Variants in AGBL1 observed in about 807,000 individuals in gnomAD.
The protein encoded by AGBL1 is AGBL carboxypeptidase 1.
In AGBL1, 130 loss-of-function variants were observed where a neutral mutation model predicts 118.9. The observed-to-expected ratio is 1.09, with a 90% CI of 0.95 to 1.26. AGBL1 has a LOEUF of 1.26. AGBL1 is among the 50% of genes most tolerant of loss of function. The pLI, the probability that AGBL1 is intolerant of heterozygous loss-of-function variation, is 0.00. For synonymous variants in AGBL1, 555 were observed against 478.9 expected (o/e 1.16, Z -2.08); for missense variants, 1,584 against 1,298.1 (o/e 1.22, Z -3.38).
rs201769028 is a variant in AGBL1 at position 86,257,588 on chromosome 15, A to G, written c.902-376A>G. ...CCTCAATCAAAAAATTAGGGGCTCA[A>G]TCAAGGTGATATTTAGGTTATAACA... On this transcript the variant is annotated intron_variant, in intron 8 of 22. Coordinates refer to ENST00000614907, the MANE Select transcript of AGBL1 (RefSeq NM_001386094.1). 4.6e-5 allele frequency among the ~76,000 whole-genome samples: 7 copies of G among 152,352 alleles called. No homozygotes were observed. In the East Asian group the frequency reaches 1.2e-3, roughly 25 times the overall value.
chr15:86,484,495 T>C (rs1201802328), intron 18 of AGBL1, among the ~76,000 whole-genome samples: 1 of 152,144 alleles, frequency 6.6e-6, no homozygotes, highest in Non-Finnish European at 1.5e-5. Context: ...GTTATGAATC[T>C]GAGTGGTTTT....
intron 18 of AGBL1, among the ~76,000 whole-genome samples, chr15:86,427,934 T>G (rs2081887677): frequency 6.6e-6 from 1 of 152,160 alleles, no homozygotes; most frequent in South Asian, 2.1e-4. Context: ...TTTCCTTTAT[T>G]ATTCTTGACC....
intron 5 of AGBL1, among the ~76,000 whole-genome samples, chr15:86,159,560 A>G (rs544015656): frequency 6.6e-6 from 1 of 152,190 alleles, no homozygotes; most frequent in South Asian, 2.1e-4. Context: ...TTATGATTGG[A>G]AAATGAAACT....
At chr15:86,797,076 G>A (rs548483770) in intron 22 of AGBL1, among the ~76,000 whole-genome samples, 15 of 152,298 alleles carry the variant, frequency 9.8e-5, no homozygotes, top group Admixed American at 2.0e-4. Context: ...GAGTTTCCTC[G>A]TCTGTGAAGT....
At chr15:86,504,840 G>C (rs142748403) in intron 18 of AGBL1, among the ~76,000 whole-genome samples, 7 of 151,514 alleles carry the variant, frequency 4.6e-5, no homozygotes, top group African/African-American at 1.2e-4. Context: ...TTATATTTAC[G>C]TATGTATTAA....
Position 86,914,907 on chromosome 15 carries a change from T to C in AGBL1, c.*7613T>C, listed in dbSNP as rs2080400254. 1 of 152,214 alleles carries C rather than the reference T, an allele frequency of 6.6e-6. No homozygotes were observed. Among genetic ancestry groups the C allele is most frequent in the Non-Finnish European group, 1.5e-5 (1 of 68,040 alleles). 9.4% of individuals were successfully genotyped at this position (152,214 alleles called of 1,614,324 possible). ...CTCCTACTGGCCATTTCTGCATAAC[T>C]TCCTGCTCCTTTTCAAACTCAACAG... On this transcript the variant is annotated 3_prime_UTR_variant, in exon 23 of 23. Coordinates refer to ENST00000614907, the MANE Select transcript of AGBL1 (RefSeq NM_001386094.1).
chr15:86,407,901 TC>T (rs1219172225), intron 18 of AGBL1, among the ~76,000 whole-genome samples: 2 of 152,058 alleles, frequency 1.3e-5, no homozygotes, highest in African/African-American at 4.8e-5. Context: ...AAATGCACAT[TC>T]CCTGTATGCC....
chr15:87,000,704 G>A (rs1251866762), intron 24 of AGBL1, among the ~76,000 whole-genome samples: 202 of 103,704 alleles, frequency 1.9e-3, no homozygotes, highest in African/African-American at 2.7e-3. Context: ...TTGACTTGGC[G>A]ATGCGGGCTC....
At chr15:86,455,106 C>T (rs771054966) in intron 18 of AGBL1, among the ~76,000 whole-genome samples, 8 of 152,086 alleles carry the variant, frequency 5.3e-5, no homozygotes, top group Non-Finnish European at 8.8e-5. Context: ...TTTTCCTGGC[C>T]TCTCCCTGGG....
At position 86,616,339 on chromosome 15, in the gene AGBL1, C is replaced by CAAAAAAAAAAAAAAA. The variant is rs199936794; in HGVS notation, c.2995-57915_2995-57901dup. On this transcript the variant is annotated intron_variant, in intron 21 of 22. Transcript: ENST00000614907. ...GTGACAGAGCAAGACTCCTCCACTT[C>CAAAAAAAAAAAAAAA]AAAAAAAAAAAAAAAAAAAAAAAAA... 2.0e-4 allele frequency among the ~76,000 whole-genome samples: 10 copies of CAAAAAAAAAAAAAAA among 49,278 alleles called. 1 individual carries two copies. Among genetic ancestry groups the CAAAAAAAAAAAAAAA allele is most frequent in the African/African-American group, 7.1e-4 (10 of 14,052 alleles). 32.3% of individuals were successfully genotyped at this position (49,278 alleles called of 152,430 possible). A position where few individuals can be genotyped will look rare whatever the true frequency, so the allele number is the denominator to read the frequency against.
intron 21 of AGBL1, among the ~76,000 whole-genome samples, chr15:86,617,921 T>G (rs2084753859): frequency 6.6e-6 from 1 of 152,212 alleles, no homozygotes; most frequent in Non-Finnish European, 1.5e-5. Flanking sequence ...GGGTCAATGA[T>G]TATGCAATAT....
intron 22 of AGBL1, among the ~76,000 whole-genome samples, chr15:86,711,878 A>G (rs1374179461): frequency 6.6e-6 from 1 of 152,242 alleles, no homozygotes; most frequent in Non-Finnish European, 1.5e-5. Context: ...CTGTGATAGT[A>G]TCACCATCAT....
intron 17 of AGBL1, among the ~76,000 whole-genome samples, chr15:86,376,783 A>C (rs28699159): frequency 0.015 from 2,223 of 152,284 alleles, 53 homozygotes; most frequent in African/African-American, 0.051. Flanking sequence ...GTGCCAAAGC[A>C]CCCAAACAAA....
chr15:86,925,083 CAG>C (rs1259250973), intron 23 of AGBL1, among the ~76,000 whole-genome samples: 8 of 145,984 alleles, frequency 5.5e-5, no homozygotes, highest in Admixed American at 2.8e-4. Flanking sequence ...GCCTGTGTGA[CAG>C]AGTGAGACTC....
chr15:86,884,839 C>A (rs1246002118), intron 22 of AGBL1, among the ~76,000 whole-genome samples: 1 of 152,070 alleles, frequency 6.6e-6, no homozygotes, highest in African/African-American at 2.4e-5. Flanking sequence ...AAAGCAATGC[C>A]ATTGAGTAAA....
intron 23 of AGBL1, among the ~76,000 whole-genome samples, chr15:86,928,809 T>A (rs550096000): frequency 2.2e-4 from 34 of 152,230 alleles, no homozygotes; most frequent in Non-Finnish European, 4.4e-4. Flanking sequence ...CTGTTTATTT[T>A]ACATGTGAGG....
intron 17 of AGBL1, among the ~76,000 whole-genome samples, chr15:86,340,778 G>A (rs188636648): frequency 9.8e-4 from 149 of 152,268 alleles, no homozygotes; most frequent in Admixed American, 2.2e-3. Context: ...CCAGAATTGC[G>A]TATCCAGGTT....
At chr15:86,889,571 A>T (rs1045034524) in intron 22 of AGBL1, among the ~76,000 whole-genome samples, 1 of 151,988 alleles carries the variant, frequency 6.6e-6, no homozygotes, top group Non-Finnish European at 1.5e-5. Flanking sequence ...GGCAGGCCCC[A>T]GTGTGTGTTA....
chr15:86,769,505 G>A (rs368266664), intron 22 of AGBL1, among the ~76,000 whole-genome samples: 11 of 151,948 alleles, frequency 7.2e-5, no homozygotes, highest in African/African-American at 1.2e-4. Context: ...AGGACTCTGA[G>A]TTGTATTTAC....
Sources: gnomAD v4.1 joint callset for allele counts (sites outside exome capture counted in the v4.1 genomes callset) on GRCh38, gnomAD v4.1.1 for gene constraint, MANE v1.5 for transcripts, NCBI Gene and HGNC (gene_info 2026-07-23, HGNC 2026-07-21) for gene names.